JAK1: variants seen among roughly 807,000 people sequenced by gnomAD.
JAK1 encodes tyrosine-protein kinase JAK1.
Under a neutral mutation model 136.6 loss-of-function variants are expected in JAK1, and 16 were observed. The observed-to-expected ratio is 0.12, with a 90% CI of 0.08 to 0.18. JAK1 has a LOEUF of 0.18. JAK1 is among the 10% of genes least tolerant of loss of function. The pLI, the probability that JAK1 is intolerant of heterozygous loss-of-function variation, is 1.00. For synonymous variants in JAK1, 492 were observed against 519.5 expected, an observed-to-expected ratio of 0.95 and a Z score of 0.72; for missense variants, 859 against 1,450.1, an observed-to-expected ratio of 0.59 and a Z score of 6.62.
At chr1:64,913,560 G>C (rs573338704) in intron 1 of JAK1, among the ~76,000 whole-genome samples, 6 of 149,870 alleles carry the variant, frequency 4.0e-5, no homozygotes, top group Admixed American at 2.0e-4. Context: ...AACATGATAA[G>C]CTTCGTATTA....
At chr1:64,915,276 T>C (rs572308151) in intron 1 of JAK1, among the ~76,000 whole-genome samples, 1 of 152,052 alleles carries the variant, frequency 6.6e-6, no homozygotes, top group South Asian at 2.1e-4. Context: ...TTCACAAATA[T>C]GTAAGGGGAA....
intron 1 of JAK1, among the ~76,000 whole-genome samples, chr1:64,958,728 T>A (rs1293476511): frequency 1.3e-5 from 2 of 152,208 alleles, no homozygotes; most frequent in Admixed American, 6.5e-5. Flanking sequence ...TAAATCATAA[T>A]TGAAAAAAAC....
chr1:65,044,393 G>C (rs1246797775), intron 2 of JAK1, among the ~76,000 whole-genome samples: 1 of 152,168 alleles, frequency 6.6e-6, no homozygotes, highest in Non-Finnish European at 1.5e-5. Flanking sequence ...GACAATTTCT[G>C]AGCTTATTGT....
chr1:65,023,447 G>C (rs1284378851), intron 2 of JAK1, among the ~76,000 whole-genome samples: 1 of 152,080 alleles, frequency 6.6e-6, no homozygotes, highest in Non-Finnish European at 1.5e-5. Flanking sequence ...TAAAGTTCCA[G>C]AAAGTTGTCT....
chr1:64,959,521 T>TAC (rs375797428), intron 1 of JAK1, among the ~76,000 whole-genome samples: 1 of 152,072 alleles, frequency 6.6e-6, no homozygotes, highest in Non-Finnish European at 1.5e-5. Flanking sequence ...CAAACAGGTA[T>TAC]ACATGGTGCC....
At chr1:65,019,336 T>C (rs1288252026) in intron 2 of JAK1, among the ~76,000 whole-genome samples, 2 of 151,368 alleles carry the variant, frequency 1.3e-5, no homozygotes, top group African/African-American at 4.9e-5. Context: ...AATCCAGCAA[T>C]ACAAAAAGAT....
intron 1 of JAK1, among the ~76,000 whole-genome samples, chr1:64,956,185 C>A (rs1218571486): frequency 1.3e-5 from 2 of 152,126 alleles, no homozygotes; most frequent in African/African-American, 4.8e-5. Flanking sequence ...ACTGTCTTTC[C>A]CCTCACAAAG....
In JAK1 at chr1:64,835,408, G is replaced by C. The variant is rs781164057; in HGVS notation, c.3357C>G (p.Asn1119Lys). 1.3e-6 allele frequency: 2 copies of C among 1,590,528 alleles called. No homozygotes were observed. The change falls in exon 24 of 25, where the codon AAC becomes AAG. Residue 1119 changes from asparagine to lysine, a missense_variant. By Grantham distance (94) the Asn-to-Lys change is moderately conservative. This residue lies in a region of JAK1 where 53 missense variants were observed against 64.8 expected (regional missense o/e 0.82). Coordinates refer to ENST00000342505, the MANE Select transcript of JAK1 (RefSeq NM_002227.4). ...KEGKRLPCPP[N>K]CPDEVYQLMR... ...GGCCCATAGATACCTCATCTGGACA[G>C]TTAGGTGGGCACGGCAGGCGTTTTC...
At chr1:64,969,222 A>G (rs535009521), upstream of JAK1, among the ~76,000 whole-genome samples, 2 of 151,548 alleles carry the variant, frequency 1.3e-5, no homozygotes, top group African/African-American at 4.8e-5. Flanking sequence ...TGAGAGATTT[A>G]AGGTTTTTGT....
At chr1:65,040,904 G>C (rs1033685881) in intron 2 of JAK1, among the ~76,000 whole-genome samples, 2 of 152,186 alleles carry the variant, frequency 1.3e-5, no homozygotes, top group Admixed American at 6.5e-5. Context: ...GTGGGGTAAA[G>C]GAAGCCCAGG....
Position 64,860,035 on chromosome 1 carries a change from T to A in JAK1, c.1334+70A>T, listed in dbSNP as rs550909286. ...TCAACTGGCCTGACCTAAACAATGA[T>A]GACATGCCCCATCACTAAAACACGG... is the stretch of plus-strand genomic sequence containing the variant. On this transcript the variant is annotated intron_variant, in intron 9 of 24. Coordinates refer to ENST00000342505, the MANE Select transcript of JAK1 (RefSeq NM_002227.4). 5 of 1,308,176 alleles carry A rather than the reference T, an allele frequency of 3.8e-6. No homozygotes were observed. The African/African-American group carries it at 7.4e-5, about 19-fold the overall frequency. 81.0% of individuals were successfully genotyped at this position (1,308,176 alleles called of 1,614,324 possible). A position where few individuals can be genotyped will look rare whatever the true frequency, so the allele number is the denominator to read the frequency against.
At chr1:64,966,974 A>T (rs1054595021), upstream of JAK1, among the ~76,000 whole-genome samples, 2 of 152,036 alleles carry the variant, frequency 1.3e-5, no homozygotes, top group Non-Finnish European at 2.9e-5. Context: ...GTGGAGCACT[A>T]GACTAAAAAG....
At chr1:65,015,455 C>T (rs1646884921) in intron 2 of JAK1, among the ~76,000 whole-genome samples, 1 of 150,732 alleles carries the variant, frequency 6.6e-6, no homozygotes, top group African/African-American at 2.4e-5. Context: ...AGAATATAGC[C>T]TATAAACAGA....
At chr1:65,067,692 C>A (rs1648137704) in exon 1 of JAK1, 2 of 149,750 alleles carry the variant, frequency 1.3e-5, no homozygotes, top group South Asian at 3.9e-4. Context: ...AGGCTCGCCA[C>A]AACGTGACCG....
At chr1:64,899,178 A>G (rs1271322023) in intron 1 of JAK1, among the ~76,000 whole-genome samples, 7 of 152,334 alleles carry the variant, frequency 4.6e-5, no homozygotes, top group African/African-American at 1.7e-4. Context: ...GACTTGTGAA[A>G]GATCACATGT....
chr1:64,985,629 G>T, intron 2 of JAK1: 1 of 808,974 alleles, frequency 1.2e-6, no homozygotes. Flanking sequence ...CTGGTTGAGA[G>T]TGCCAAAGAC....
intron 4 of JAK1, among the ~76,000 whole-genome samples, chr1:64,874,891 T>C (rs534955840): frequency 1.3e-5 from 2 of 152,304 alleles, no homozygotes; most frequent in South Asian, 4.1e-4. Context: ...TTTCTCGTAC[T>C]CTGTGAGTTC....
rs555640339 is a variant in JAK1 at position 64,985,455 on chromosome 1, A to G, written c.-78+59025T>C. On this transcript the variant is annotated intron_variant, in intron 2 of 25. Coordinates refer to the JAK1 transcript ENST00000671954. ...AGCATTCTCCTCTTCTTTTCTGTTA[A>G]TGAGCAAGAATCTGGGACTTTCAGG... The G allele has an allele frequency of 2.4e-3, 3,847 of 1,606,378 alleles. 6 individuals are homozygous for G. The highest frequency in any genetic ancestry group is 3.2e-3 in the Non-Finnish European group (3,708 of 1,174,082).
intron 1 of JAK1, among the ~76,000 whole-genome samples, chr1:64,954,579 A>G (rs1646148693): frequency 6.6e-6 from 1 of 152,238 alleles, no homozygotes; most frequent in Non-Finnish European, 1.5e-5. Flanking sequence ...TAGGATAAGT[A>G]TCTGTTTTAT....
Sources: gnomAD v4.1 joint callset for allele counts (sites outside exome capture counted in the v4.1 genomes callset) on GRCh38, gnomAD v4.1.1 for gene constraint, gnomAD v4.1.1 regional missense constraint, MANE v1.5 for transcripts, NCBI Gene and HGNC (gene_info 2026-07-23, HGNC 2026-07-21) for gene names.